The following FBXW7 variants were observed in gnomAD, a reference collection of about 807,000 sequenced individuals.
FBXW7 encodes F-box/WD repeat-containing protein 7.
Under a neutral mutation model 86.3 loss-of-function variants are expected in FBXW7, and 11 were observed. That is an observed-to-expected ratio of 0.13 (90% confidence interval 0.08 to 0.21). FBXW7 has a LOEUF of 0.21. FBXW7 is among the 10% of genes least tolerant of loss of function. FBXW7 has a pLI of 1.00. For synonymous variants in FBXW7, 313 were observed against 297.9 expected (o/e 1.05, Z -0.52); for missense variants, 488 against 847.4 (o/e 0.58, Z 5.27).
At chr4:152,412,421 ATGAC>A (rs1738045096) in intron 3 of FBXW7, 55 bp downstream of exon 3, 1 of 151,904 alleles carries the variant, frequency 6.6e-6, no homozygotes, top group African/African-American at 2.4e-5. Context: ...TTTTTTACAA[ATGAC>A]TGGACAGAAA....
At chr4:152,443,551 C>A (rs993559693) in intron 2 of FBXW7, among the ~76,000 whole-genome samples, 2 of 152,100 alleles carry the variant, frequency 1.3e-5, no homozygotes, top group African/African-American at 4.8e-5. Context: ...AACGTGGCTA[C>A]CCAACTGACT....
intron 2 of FBXW7, among the ~76,000 whole-genome samples, chr4:152,495,553 T>C (rs1746259153): frequency 6.6e-6 from 1 of 152,192 alleles, no homozygotes; most frequent in Admixed American, 6.5e-5. Flanking sequence ...AATATATATA[T>C]TAGGCTACAA....
intron 2 of FBXW7, among the ~76,000 whole-genome samples, chr4:152,469,671 T>C (rs1224307756): frequency 1.3e-5 from 2 of 152,132 alleles, no homozygotes; most frequent in African/African-American, 4.8e-5. Flanking sequence ...ATTCATAAAG[T>C]ATTAGCATTC....
intron 9 of FBXW7, 104 bp from the exon 10 acceptor site, chr4:152,329,889 G>A: frequency 1.9e-6 from 1 of 515,256 alleles, no homozygotes. Flanking sequence ...GTAATTTGTA[G>A]TCTATCTCTA....
intron 4 of FBXW7, among the ~76,000 whole-genome samples, chr4:152,410,261 A>G (rs1312922089): frequency 6.6e-6 from 1 of 152,176 alleles, no homozygotes; most frequent in Non-Finnish European, 1.5e-5. Context: ...CTTTTGATAT[A>G]GCAACCTTGA....
rs1183845688 is a variant in FBXW7 at position 152,434,969 on chromosome 4, CA to C, written c.-119-22441del. ...TCCTTTCCCCCCGCTCCCCCCCCCC[CA>C]CACACAAGCTCTTCCTTTACATGTT... On this transcript the variant is annotated intron_variant, in intron 2 of 13. Transcript: ENST00000281708. Among the ~76,000 whole-genome samples, 365 of 141,064 alleles carry C rather than the reference CA, an allele frequency of 2.6e-3. 6 individuals are homozygous for C. The highest frequency in any genetic ancestry group is 9.0e-3 in the African/African-American group (321 of 35,752). The allele number at this position is 141,064 out of a possible 152,430, so 92.5% of individuals were successfully genotyped here.
At chr4:152,350,855 T>C (rs541291445) in intron 4 of FBXW7, among the ~76,000 whole-genome samples, 170 of 152,084 alleles carry the variant, frequency 1.1e-3, no homozygotes, top group Middle Eastern at 3.4e-3. Context: ...GAATCAGTTA[T>C]GCCTCTTCTA....
rs925345230 is a variant in FBXW7 at position 152,535,680 on chromosome 4, TG to T, written c.-767del. On this transcript the variant is annotated 5_prime_UTR_variant, in exon 1 of 14. Coordinates refer to ENST00000281708, the MANE Select transcript of FBXW7 (RefSeq NM_001349798.2). Reference sequence around the variant, plus strand: ...GGCTGGGACCCCCCTCCCTACACCTTGGGGGTCTCGCCCCACGCCCCACGGG... The same window carrying T: ...GGCTGGGACCCCCCTCCCTACACCTTGGGGTCTCGCCCCACGCCCCACGGG... 7.6e-5 allele frequency: 30 copies of T among 396,012 alleles called. No homozygotes were observed. Among genetic ancestry groups the T allele is most frequent in the Non-Finnish European group, 1.3e-4 (29 of 224,314 alleles). 24.5% of individuals were successfully genotyped at this position (396,012 alleles called of 1,614,324 possible). A position where few individuals can be genotyped will look rare whatever the true frequency, so the allele number is the denominator to read the frequency against.
intron 8 of FBXW7, among the ~76,000 whole-genome samples, chr4:152,331,490 C>T (rs1729561871): frequency 6.6e-6 from 1 of 151,856 alleles, no homozygotes; most frequent in Non-Finnish European, 1.5e-5. Context: ...TGTATGATTT[C>T]ACTTATATGA....
intron 2 of FBXW7, among the ~76,000 whole-genome samples, chr4:152,459,674 C>T (rs1560924337): frequency 6.6e-6 from 1 of 152,104 alleles, no homozygotes; most frequent in South Asian, 2.1e-4. Context: ...ACAGATAGAA[C>T]CAAACTCTAT....
chr4:152,358,292 G>A (rs893789196), intron 4 of FBXW7, among the ~76,000 whole-genome samples: 10 of 152,044 alleles, frequency 6.6e-5, no homozygotes, highest in African/African-American at 1.9e-4. Context: ...TCAATATAAG[G>A]CCTAAACCCT....
At chr4:152,447,982 T>C (rs556981538) in intron 2 of FBXW7, among the ~76,000 whole-genome samples, 1 of 152,318 alleles carries the variant, frequency 6.6e-6, no homozygotes, top group East Asian at 1.9e-4. Flanking sequence ...AGAAAGACTA[T>C]GAATTGATGA....
chr4:152,414,740 AG>A (rs1182277902), intron 2 of FBXW7, among the ~76,000 whole-genome samples: 2 of 152,004 alleles, frequency 1.3e-5, no homozygotes, highest in African/African-American at 4.8e-5. Flanking sequence ...GTGTCTTTCA[AG>A]GTAGTGGAAA....
chr4:152,417,774 AACT>A (rs1738575683), intron 2 of FBXW7, among the ~76,000 whole-genome samples: 2 of 152,088 alleles, frequency 1.3e-5, no homozygotes, highest in Non-Finnish European at 2.9e-5. Flanking sequence ...TGAGGAACAG[AACT>A]GCTTGACAGC....
chr4:152,321,616 CAGTT>C lies in FBXW7; in HGVS notation c.*1261_*1264del, dbSNP rs2126447692. Reference sequence around the variant, plus strand: ...AAAAACTGAATAGTTTCTGCTTTGTCAGTTACTCAGAGCAATAAAACTGTAACAG... The same window carrying C: ...AAAAACTGAATAGTTTCTGCTTTGTCACTCAGAGCAATAAAACTGTAACAG... On this transcript the variant is annotated 3_prime_UTR_variant, in exon 14 of 14. Coordinates refer to ENST00000281708, the MANE Select transcript of FBXW7 (RefSeq NM_001349798.2). 4.3e-6 allele frequency: 1 copy of C among 233,160 alleles called. No homozygotes were observed. The highest frequency in any genetic ancestry group is 8.5e-6 in the Non-Finnish European group (1 of 117,736). 14.4% of individuals were successfully genotyped at this position (233,160 alleles called of 1,614,324 possible).
intron 2 of FBXW7, among the ~76,000 whole-genome samples, chr4:152,490,251 T>A (rs982646733): frequency 6.6e-6 from 1 of 152,058 alleles, no homozygotes; most frequent in African/African-American, 2.4e-5. Context: ...TGGACAGAGA[T>A]GGATGGTTGC....
At chr4:152,362,652 C>A (rs1733083702) in intron 4 of FBXW7, among the ~76,000 whole-genome samples, 1 of 151,732 alleles carries the variant, frequency 6.6e-6, no homozygotes, top group Non-Finnish European at 1.5e-5. Flanking sequence ...TGGTGAAACC[C>A]CGTCTCCACT....
Position 152,347,085 on chromosome 4 carries a change from AAAAAG to A in FBXW7, c.585-19_585-15del, listed in dbSNP as rs746937801. The A allele has an allele frequency of 1.0e-5, 16 of 1,586,626 alleles. No individual in the cohort carries two copies. Among genetic ancestry groups the A allele is most frequent in the Middle Eastern group, 1.7e-4 (1 of 5,874 alleles). On this transcript the variant is annotated splice_polypyrimidine_tract_variant and intron_variant, in intron 5 of 13. Coordinates refer to ENST00000281708, the MANE Select transcript of FBXW7 (RefSeq NM_001349798.2). ...AGCCCAGTGGTACTACAAAAAAAAA[AAAAAG>A]AGAGAGAGAAAGGATAAAAGGAAAA...
At chr4:152,524,341 G>A (rs1033261598) in intron 2 of FBXW7, among the ~76,000 whole-genome samples, 8 of 152,184 alleles carry the variant, frequency 5.3e-5, no homozygotes, top group South Asian at 2.1e-4. Flanking sequence ...CAAAGCTAGC[G>A]AAATAGAGTC....
Sources: gnomAD v4.1 joint callset for allele counts (sites outside exome capture counted in the v4.1 genomes callset) on GRCh38, gnomAD v4.1.1 for gene constraint, MANE v1.5 for transcripts, NCBI Gene and HGNC (gene_info 2026-07-23, HGNC 2026-07-21) for gene names.